Variants in BMAL2 observed in about 807,000 individuals in gnomAD.
BMAL2 encodes basic helix-loop-helix ARNT-like protein 2.
At chr12:27,372,011 C>G in the BMAL2 span, among the ~76,000 whole-genome samples, 1 of 152,124 alleles carries the variant, frequency 6.6e-6, no homozygotes, top group East Asian at 1.9e-4. Flanking sequence ...GGTGGACTGC[C>G]TGAGCTTAGG....
the BMAL2 span, among the ~76,000 whole-genome samples, chr12:27,402,922 C>T: frequency 6.6e-6 from 1 of 152,160 alleles, no homozygotes; most frequent in Non-Finnish European, 1.5e-5. Context: ...GCTTTGCTCA[C>T]TTTTCTGTTA....
At chr12:27,351,015 G>A in the BMAL2 span, among the ~76,000 whole-genome samples, 1 of 114,648 alleles carries the variant, frequency 8.7e-6, no homozygotes, top group Non-Finnish European at 1.6e-5. Context: ...TTGAGACAGG[G>A]TCTTGCTCTG....
At chr12:27,397,783 GCTACC>G in the BMAL2 span, among the ~76,000 whole-genome samples, 1 of 152,214 alleles carries the variant, frequency 6.6e-6, no homozygotes, top group Non-Finnish European at 1.5e-5. Flanking sequence ...ATGGGTGACT[GCTACC>G]AAATGTCTTA....
At chr12:27,409,179 T>A in the BMAL2 span, among the ~76,000 whole-genome samples, 12 of 152,120 alleles carry the variant, frequency 7.9e-5, no homozygotes, top group East Asian at 2.3e-3. Flanking sequence ...CCAAGGTAAT[T>A]TATAGATTCA....
At chr12:27,388,042 C>G in the BMAL2 span, among the ~76,000 whole-genome samples, 9 of 152,104 alleles carry the variant, frequency 5.9e-5, no homozygotes, top group Admixed American at 2.0e-4. Context: ...GCACAAACCT[C>G]ATGATTCCAC....
chr12:27,385,175 G>A, the BMAL2 span, among the ~76,000 whole-genome samples: 4 of 152,232 alleles, frequency 2.6e-5, no homozygotes, highest in African/African-American at 7.2e-5. Context: ...TTAGCTGGGC[G>A]TGGTGGCATG....
At chr12:27,413,227 A>G in the BMAL2 span, among the ~76,000 whole-genome samples, 1 of 152,360 alleles carries the variant, frequency 6.6e-6, no homozygotes, top group African/African-American at 2.4e-5. Flanking sequence ...AGTCAAATTC[A>G]AAATACTCTA....
the BMAL2 span, among the ~76,000 whole-genome samples, chr12:27,344,179 C>A: frequency 3.3e-5 from 5 of 152,138 alleles, no homozygotes; most frequent in Admixed American, 1.3e-4. Context: ...AGGGCTTGAA[C>A]CCAGGCAGAG....
At chr12:27,348,265 C>T in the BMAL2 span, among the ~76,000 whole-genome samples, 1 of 152,168 alleles carries the variant, frequency 6.6e-6, no homozygotes, top group African/African-American at 2.4e-5. Context: ...ACCTGCTGTT[C>T]TCTCTTTGGC....
the BMAL2 span, among the ~76,000 whole-genome samples, chr12:27,349,078 G>A: frequency 2.0e-5 from 3 of 152,170 alleles, no homozygotes; most frequent in African/African-American, 7.2e-5. Context: ...AATTCCAGGC[G>A]AGGAGAATCA....
chr12:27,376,366 A>C, the BMAL2 span: 3 of 1,613,994 alleles, frequency 1.9e-6, no homozygotes, highest in Non-Finnish European at 2.5e-6. Flanking sequence ...GGTGAACACC[A>C]AGTTAAAATG....
At chr12:27,398,067 A>T in the BMAL2 span, among the ~76,000 whole-genome samples, 1 of 152,144 alleles carries the variant, frequency 6.6e-6, no homozygotes, top group African/African-American at 2.4e-5. Flanking sequence ...GTACTTTATT[A>T]GCTTCCTTCT....
At chr12:27,390,106 A>T in the BMAL2 span, 25 of 1,613,614 alleles carry the variant, frequency 1.5e-5, no homozygotes, top group East Asian at 5.4e-4. Context: ...CTGGTTTGCA[A>T]GTTCACAGTA....
the BMAL2 span, among the ~76,000 whole-genome samples, chr12:27,375,557 A>G: frequency 1.3e-5 from 2 of 152,194 alleles, no homozygotes; most frequent in Non-Finnish European, 2.9e-5. Flanking sequence ...TAATCATTGT[A>G]TGTATCTACA....
chr12:27,391,388 C>T, the BMAL2 span, among the ~76,000 whole-genome samples: 1 of 152,202 alleles, frequency 6.6e-6, no homozygotes, highest in African/African-American at 2.4e-5. Context: ...TTTTTTATGG[C>T]TGTGTAGTAT....
the BMAL2 span, among the ~76,000 whole-genome samples, chr12:27,415,182 T>C: frequency 1.3e-5 from 2 of 152,210 alleles, no homozygotes; most frequent in African/African-American, 4.8e-5. Flanking sequence ...TAGTTAATAA[T>C]GTTATATACT....
At chr12:27,414,114 G>A in the BMAL2 span, among the ~76,000 whole-genome samples, 2 of 151,984 alleles carry the variant, frequency 1.3e-5, no homozygotes, top group African/African-American at 4.8e-5. Context: ...AATGATGAAG[G>A]GGTCAATTCA....
the BMAL2 span, chr12:27,380,550 T>A: frequency 1.1e-6 from 1 of 893,602 alleles, no homozygotes; most frequent in Non-Finnish European, 1.7e-6. Flanking sequence ...CATTTGTCTA[T>A]AGTCTGTATG....
At chr12:27,380,387 A>G in the BMAL2 span, 1 of 1,614,030 alleles carries the variant, frequency 6.2e-7, no homozygotes, top group Non-Finnish European at 8.5e-7. Context: ...GCTGTTCAAC[A>G]CTTGAGATCT....
Sources: allele counts gnomAD v4.1 joint callset (sites outside exome capture counted in the v4.1 genomes callset), GRCh38; gene constraint gnomAD v4.1.1; transcripts MANE v1.5; gene names NCBI Gene and HGNC (gene_info 2026-07-23, HGNC 2026-07-21).